KNG1: variants seen among roughly 807,000 people sequenced by gnomAD.
KNG1 encodes the protein kininogen-1.
A neutral mutation model predicts 47.8 loss-of-function variants in KNG1; 23 were observed. That is an observed-to-expected ratio of 0.48 (90% CI 0.35 to 0.68). The LOEUF is 0.68. KNG1 is among the 30% of genes least tolerant of loss of function. The probability of loss-of-function intolerance (pLI) is 0.01; values close to 1 mark genes in which losing one functional copy is unlikely to be tolerated. For missense variants in KNG1, 762 were observed against 790.2 expected (o/e 0.96, Z 0.43); for synonymous variants, 277 against 277.0 (o/e 1.00, Z 0.00).
At chr3:186,721,801 C>T (rs1720207975) in intron 2 of KNG1, 1 of 153,882 alleles carries the variant, frequency 6.5e-6, no homozygotes, top group Non-Finnish European at 1.4e-5. Flanking sequence ...CCTCTGCGTC[C>T]ATCTTGGTTA....
intron 4 of KNG1, among the ~76,000 whole-genome samples, chr3:186,725,562 T>TTTTTTTTTTTTTTTTTTTG (rs1720339476): frequency 1.4e-5 from 2 of 142,732 alleles, no homozygotes. Flanking sequence ...TTTTTTTTTT[T>TTTTTTTTTTTTTTTTTTTG]GAGACAGAGT....
chr3:186,731,635 G>A lies in KNG1; in HGVS notation c.757+6G>A. 1.3e-6 allele frequency: 2 copies of A among 1,561,176 alleles called. No individual in the cohort carries two copies. The highest frequency in any genetic ancestry group is 1.8e-6 in the Non-Finnish European group (2 of 1,131,878). The stretch of plus-strand genomic sequence containing the variant: ...GAACTGTGACATTTATCCAGGTAAG[G>A]AATAACACATGTTGGCACCGCAATA... On this transcript the variant is annotated splice_donor_region_variant and intron_variant, in intron 6 of 9. Transcript: ENST00000644859.
intron 3 of KNG1, 114 bp downstream of exon 3, chr3:186,722,635 C>G: frequency 1.2e-6 from 1 of 848,968 alleles, no homozygotes; most frequent in Non-Finnish European, 1.9e-6. Context: ...GTAGTAAAGC[C>G]ATTTGCAGAG....
chr3:186,742,344 T>C lies in KNG1; in HGVS notation c.*13T>C, dbSNP rs1327297815. On this transcript the variant is annotated 3_prime_UTR_variant, in exon 10 of 10. Transcript: ENST00000644859. ...TGGCCTTTCTTAATTTAAGTGGCTA[T>C]GGGTATTTCTTTCATACTTTATTAA... is the stretch of plus-strand genomic sequence containing the variant. 1.9e-6 allele frequency: 3 copies of C among 1,613,104 alleles called. No individual in the cohort carries two copies. Among genetic ancestry groups the C allele is most frequent in the South Asian group, 2.2e-5 (2 of 91,074 alleles).
intron 6 of KNG1, among the ~76,000 whole-genome samples, chr3:186,732,143 G>A (rs903767044): frequency 2.0e-5 from 3 of 152,184 alleles, no homozygotes; most frequent in Non-Finnish European, 4.4e-5. Flanking sequence ...GTCTGAAGCT[G>A]CCTGTTCATC....
intron 9 of KNG1, 149 bp from the exon 10 acceptor site, chr3:186,741,373 C>A: frequency 1.5e-6 from 1 of 655,490 alleles, no homozygotes; most frequent in Non-Finnish European, 2.5e-6. Flanking sequence ...ATTATTCATC[C>A]TTTCTGGAAT....
At chr3:186,720,519 GCT>G in intron 2 of KNG1, 1 of 363,930 alleles carries the variant, frequency 2.7e-6, no homozygotes, top group South Asian at 2.6e-5. Context: ...AAGCCAAAGA[GCT>G]GGCGAGGGGA....
intron 7 of KNG1, among the ~76,000 whole-genome samples, chr3:186,734,361 C>T (rs888202945): frequency 1.3e-5 from 2 of 151,988 alleles, no homozygotes; most frequent in East Asian, 1.9e-4. Flanking sequence ...CATCTTTGTG[C>T]GGAGCTCTTG....
chr3:186,727,099 C>A, intron 4 of KNG1, 138 bp from the exon 5 acceptor site: 1 of 663,476 alleles, frequency 1.5e-6, no homozygotes, highest in Non-Finnish European at 2.7e-6. Flanking sequence ...ATTTTTTTGC[C>A]TAGTAATAAT....
chr3:186,743,845 G>C lies in KNG1; in HGVS notation c.*1514G>C. 1 of 1,143,330 alleles carries C rather than the reference G, an allele frequency of 8.7e-7. No homozygotes were observed. The highest frequency in any genetic ancestry group is 1.2e-5 in the South Asian group (1 of 81,310). The allele number at this position is 1,143,330 out of a possible 1,614,324, so 70.8% of individuals were successfully genotyped here. A position where few individuals can be genotyped will look rare whatever the true frequency, so the allele number is the denominator to read the frequency against. On this transcript the variant is annotated 3_prime_UTR_variant, in exon 10 of 10. Transcript: ENST00000644859. ...CCCAACCACCTCTGCCAGCAACCTT[G>C]AGAGGAAGGACAAGAAGAAAGATGG... is the stretch of plus-strand genomic sequence containing the variant.
chr3:186,730,623 T>G (rs1487567928), intron 5 of KNG1, among the ~76,000 whole-genome samples: 1 of 132,096 alleles, frequency 7.6e-6, no homozygotes, highest in East Asian at 2.5e-4. Flanking sequence ...GCCACTGCAC[T>G]CCAGCCTTGG....
intron 5 of KNG1, among the ~76,000 whole-genome samples, chr3:186,727,862 G>C (rs1047236485): frequency 6.6e-6 from 1 of 152,132 alleles, no homozygotes; most frequent in Non-Finnish European, 1.5e-5. Flanking sequence ...ATGAGCCACC[G>C]TGCCTGGCCA....
In KNG1 at chr3:186,741,742, G is replaced by T; in HGVS notation, c.1346G>T (p.Arg449Leu). 6.2e-7 allele frequency: 1 copy of T among 1,614,174 alleles called. No individual in the cohort carries two copies. The highest frequency in any genetic ancestry group is 8.5e-7 in the Non-Finnish European group (1 of 1,180,028). ...HNLGHGHKHERDQGHGHQRGH... is the reference protein window; with the variant it reads ...HNLGHGHKHELDQGHGHQRGH... Reference sequence around the variant, plus strand: ...CTTGGCCATGGCCATAAACATGAACGTGACCAAGGGCATGGGCACCAAAGA... The same window carrying T: ...CTTGGCCATGGCCATAAACATGAACTTGACCAAGGGCATGGGCACCAAAGA... The change falls in exon 10 of 10, where the codon CGT (arginine) becomes CTT (leucine). Residue 449 changes from arginine to leucine, a missense_variant. Physicochemically the swap from Arg to Leu is moderately radical, Grantham distance 102. Transcript: ENST00000644859.
Position 186,717,516 on chromosome 3 carries a change from C to CA in KNG1, c.-26dup. 6.5e-7 allele frequency: 1 copy of CA among 1,550,306 alleles called. No individual in the cohort carries two copies. The highest frequency in any genetic ancestry group is 8.9e-7 in the Non-Finnish European group (1 of 1,123,640). On this transcript the variant is annotated 5_prime_UTR_variant, in exon 1 of 10. Coordinates refer to ENST00000644859, the MANE Select transcript of KNG1 (RefSeq NM_001102416.3). Reference sequence around the variant, plus strand: ...CTTGATTCTTGGTGAAACCATCCCTCAGCTCCTAGAGGGAGATTGTTAGAT... The same window carrying CA: ...CTTGATTCTTGGTGAAACCATCCCTCAAGCTCCTAGAGGGAGATTGTTAGAT...
Position 186,742,679 on chromosome 3 carries a change from T to G in KNG1, c.*348T>G, listed in dbSNP as rs1427930788. On this transcript the variant is annotated 3_prime_UTR_variant, in exon 10 of 10. Coordinates refer to ENST00000644859, the MANE Select transcript of KNG1 (RefSeq NM_001102416.3). ...ATGAATTTGCATACAAAGATTCTTGTCATTCTTAATAAACTGTGGCACTTG... is the reference window on the plus strand; with the variant it reads ...ATGAATTTGCATACAAAGATTCTTGGCATTCTTAATAAACTGTGGCACTTG... 1 of 1,067,584 alleles carries G rather than the reference T, an allele frequency of 9.4e-7. No individual in the cohort carries two copies. Among genetic ancestry groups the G allele is most frequent in the East Asian group, 7.4e-5 (1 of 13,476 alleles). The allele number at this position is 1,067,584 out of a possible 1,614,324, so 66.1% of individuals were successfully genotyped here. A position where few individuals can be genotyped will look rare whatever the true frequency, so the allele number is the denominator to read the frequency against.
chr3:186,744,003 C>G lies in KNG1; in HGVS notation c.*1672C>G. 2 of 593,758 alleles carry G rather than the reference C, an allele frequency of 3.4e-6. No individual in the cohort carries two copies. Among genetic ancestry groups the G allele is most frequent in the Non-Finnish European group, 3.1e-6 (1 of 324,588 alleles). The allele number at this position is 593,758 out of a possible 1,614,324, so 36.8% of individuals were successfully genotyped here. ...CTACCCATTCTGCAGCAAATTCCAG[C>G]TGGTCAGAGAGTCAGTGCTGTGGCT... On this transcript the variant is annotated 3_prime_UTR_variant, in exon 10 of 10. Coordinates refer to ENST00000644859, the MANE Select transcript of KNG1 (RefSeq NM_001102416.3).
chr3:186,738,778 G>A (rs1720729671), intron 7 of KNG1: 3 of 295,084 alleles, frequency 1.0e-5, no homozygotes, highest in South Asian at 6.3e-5. Context: ...TCCAGGAGGC[G>A]GAGGTTGTGG....
At chr3:186,740,802 TA>T (rs1720790097) in intron 9 of KNG1, among the ~76,000 whole-genome samples, 1 of 152,154 alleles carries the variant, frequency 6.6e-6, no homozygotes, top group Admixed American at 6.5e-5. Context: ...CCTTTTAGGA[TA>T]AAAGCAGTGA....
chr3:186,741,064 G>C (rs1468326999), intron 9 of KNG1, among the ~76,000 whole-genome samples: 1 of 151,864 alleles, frequency 6.6e-6, no homozygotes, highest in Non-Finnish European at 1.5e-5. Context: ...CGCCATCTCA[G>C]CTCACTGCAA....
Sources: allele counts gnomAD v4.1 joint callset (sites outside exome capture counted in the v4.1 genomes callset), GRCh38; gene constraint gnomAD v4.1.1; transcripts MANE v1.5; gene names NCBI Gene and HGNC (gene_info 2026-07-23, HGNC 2026-07-21).